IRAK1BP1: variants seen among roughly 807,000 people sequenced by gnomAD.
The protein encoded by IRAK1BP1 is interleukin 1 receptor associated kinase 1 binding protein 1.
Under a neutral mutation model 28.0 loss-of-function variants are expected in IRAK1BP1, and 24 were observed. That is an observed-to-expected ratio of 0.86 (90% confidence interval 0.62 to 1.20). The LOEUF is 1.20. Ranked by LOEUF, IRAK1BP1 falls within the 50% of genes most tolerant of loss-of-function variation. The probability of loss-of-function intolerance (pLI) is 0.00; values close to 1 mark genes in which losing one functional copy is unlikely to be tolerated. For missense variants in IRAK1BP1, 336 were observed against 316.7 expected (o/e 1.06, Z -0.46); for synonymous variants, 131 against 116.3 (o/e 1.13, Z -0.81).
At position 78,945,519 on chromosome 6, in the gene IRAK1BP1, T is replaced by TA. The variant is rs748980817; in HGVS notation, c.*184dup. On this transcript the variant is annotated 3_prime_UTR_variant and NMD_transcript_variant, in exon 5 of 5. Coordinates refer to the IRAK1BP1 transcript ENST00000606868. ...AGTACTAAAACATACAAACAAAATT[T>TA]AAAAATTAAGAGTTATTGAACCTAA... 1.4e-5 allele frequency: 20 copies of TA among 1,455,140 alleles called. No homozygotes were observed. The East Asian group carries it at 3.2e-4, about 24-fold the overall frequency. 90.1% of individuals were successfully genotyped at this position (1,455,140 alleles called of 1,614,324 possible). A position where few individuals can be genotyped will look rare whatever the true frequency, so the allele number is the denominator to read the frequency against.
At chr6:78,918,282 G>A (rs377514112) in intron 4 of IRAK1BP1, among the ~76,000 whole-genome samples, 1 of 152,046 alleles carries the variant, frequency 6.6e-6, no homozygotes, top group African/African-American at 2.4e-5. Context: ...GAGTGACAGA[G>A]TAAGACCCTG....
chr6:78,890,414 TA>T (rs35606311), intron 2 of IRAK1BP1, among the ~76,000 whole-genome samples: 66,908 of 142,836 alleles, frequency 0.47, 15,437 homozygotes, highest in East Asian at 0.7. Context: ...AAGTATAAGT[TA>T]AAAAAAAAAA....
At chr6:78,884,243 A>G (rs1771333426) in intron 1 of IRAK1BP1, among the ~76,000 whole-genome samples, 2 of 152,272 alleles carry the variant, frequency 1.3e-5, no homozygotes, top group South Asian at 4.1e-4. Flanking sequence ...TTTATATCTT[A>G]AAATTTAGAT....
the IRAK1BP1 span, among the ~76,000 whole-genome samples, chr6:78,960,496 A>G: frequency 6.6e-6 from 1 of 151,910 alleles, no homozygotes; most frequent in South Asian, 2.1e-4. Flanking sequence ...TGATATTGAA[A>G]AAGACTTGAA....
chr6:78,917,756 G>A (rs1321688981), intron 4 of IRAK1BP1, among the ~76,000 whole-genome samples: 1 of 151,908 alleles, frequency 6.6e-6, no homozygotes, highest in Admixed American at 6.6e-5. Context: ...AGGAGATATT[G>A]GGTGCCTATT....
At chr6:78,946,480 C>T, downstream of IRAK1BP1, 1 of 1,397,164 alleles carries the variant, frequency 7.2e-7, no homozygotes, top group South Asian at 1.7e-5. Flanking sequence ...GATGCCATCA[C>T]TATCCTAAAA....
At chr6:78,946,946 G>A (rs1211047100), downstream of IRAK1BP1, 1 of 827,618 alleles carries the variant, frequency 1.2e-6, no homozygotes, top group Non-Finnish European at 1.9e-6. Context: ...ATACTGTAAT[G>A]TAAATATTTT....
At chr6:78,934,696 C>T (rs1239626065) in intron 4 of IRAK1BP1, among the ~76,000 whole-genome samples, 1 of 152,124 alleles carries the variant, frequency 6.6e-6, no homozygotes, top group Non-Finnish European at 1.5e-5. Context: ...TCACCACTGG[C>T]TATTTGAACA....
chr6:78,955,080 T>C, the IRAK1BP1 span: 2 of 890,442 alleles, frequency 2.2e-6, no homozygotes, highest in Admixed American at 3.2e-5. Flanking sequence ...AAAGAAAATA[T>C]TCACCAAGTT....
chr6:78,893,398 C>T (rs1771755934), intron 2 of IRAK1BP1, among the ~76,000 whole-genome samples: 1 of 143,330 alleles, frequency 7.0e-6, no homozygotes, highest in Non-Finnish European at 1.5e-5. Context: ...TGCTGAAAAA[C>T]AAAGACCAAT....
chr6:78,937,593 T>C (rs896283947), intron 4 of IRAK1BP1: 7 of 151,748 alleles, frequency 4.6e-5, no homozygotes, highest in Non-Finnish European at 7.4e-5. Flanking sequence ...ACTTATTTAC[T>C]TGGATTGGAG....
intron 4 of IRAK1BP1, among the ~76,000 whole-genome samples, chr6:78,917,632 T>TAAAAAAAAAAAAAAAA (rs35313944): frequency 1.6e-5 from 1 of 63,694 alleles, no homozygotes; most frequent in Non-Finnish European, 2.9e-5. Flanking sequence ...AAGTCAACAC[T>TAAAAAAAAAAAAAAAA]AAAAAAAAAA....
At chr6:78,917,831 T>A (rs1202620492) in intron 4 of IRAK1BP1, among the ~76,000 whole-genome samples, 1 of 152,124 alleles carries the variant, frequency 6.6e-6, no homozygotes, top group Non-Finnish European at 1.5e-5. Context: ...CTAAGCTTCA[T>A]AAGTGAAGGA....
At chr6:78,871,815 T>G in intron 1 of IRAK1BP1, 11 of 389,552 alleles carry the variant, frequency 2.8e-5, no homozygotes, top group East Asian at 4.4e-5. Context: ...AGTGGATAAT[T>G]GAGATTTTAG....
At chr6:78,972,553 G>A in the IRAK1BP1 span, among the ~76,000 whole-genome samples, 1 of 152,210 alleles carries the variant, frequency 6.6e-6, no homozygotes, top group African/African-American at 2.4e-5. Flanking sequence ...GCTGAGAGAA[G>A]AAGGCTTCAG....
At chr6:78,906,149 G>T (rs1439745640), downstream of IRAK1BP1, among the ~76,000 whole-genome samples, 1 of 152,074 alleles carries the variant, frequency 6.6e-6, no homozygotes, top group African/African-American at 2.4e-5. Flanking sequence ...TAAGTCTTCT[G>T]GAAGTAAGTC....
the IRAK1BP1 span, chr6:78,958,650 T>C: frequency 1.4e-5 from 15 of 1,099,312 alleles, no homozygotes; most frequent in Middle Eastern, 6.1e-4. Context: ...TTTAGAAATA[T>C]GTGTACATCA....
intron 4 of IRAK1BP1, among the ~76,000 whole-genome samples, chr6:78,929,296 C>T (rs1400671437): frequency 1.3e-5 from 2 of 152,050 alleles, no homozygotes; most frequent in Non-Finnish European, 2.9e-5. Flanking sequence ...AACCTAGGTG[C>T]CCATCAAAGG....
chr6:78,932,546 T>G (rs1344659952), intron 4 of IRAK1BP1, among the ~76,000 whole-genome samples: 1 of 150,782 alleles, frequency 6.6e-6, no homozygotes, highest in Non-Finnish European at 1.5e-5. Flanking sequence ...CTCAGCCTCC[T>G]GAGTAGCTGG....
Sources: gnomAD v4.1 joint callset for allele counts (sites outside exome capture counted in the v4.1 genomes callset) on GRCh38, gnomAD v4.1.1 for gene constraint, MANE v1.5 for transcripts, NCBI Gene and HGNC (gene_info 2026-07-23, HGNC 2026-07-21) for gene names.